RANBP2: variants seen among roughly 807,000 people sequenced by gnomAD.
The protein encoded by RANBP2 is RAN binding protein 2.
A neutral mutation model predicts 303.6 loss-of-function variants in RANBP2; 57 were observed. The observed-to-expected ratio is 0.19, with a 90% CI of 0.15 to 0.23. The LOEUF (loss-of-function observed/expected upper bound fraction) is 0.23. Among genes scored for constraint, RANBP2 ranks in the 10% least tolerant of loss-of-function variants. The pLI is 1.00. For synonymous variants in RANBP2, 1,167 were observed against 1,301.5 expected, an observed-to-expected ratio of 0.90 and a Z score of 2.23; for missense variants, 3,138 against 3,780.8, an observed-to-expected ratio of 0.83 and a Z score of 4.46.
At chr2:109,585,060 T>C in the RANBP2 span, 4 of 884,504 alleles carry the variant, frequency 4.5e-6, no homozygotes, top group Non-Finnish European at 3.4e-6. Context: ...TCATAGTTCA[T>C]GGGGCTATAA....
the RANBP2 span, among the ~76,000 whole-genome samples, chr2:109,548,120 C>G: frequency 7.1e-6 from 1 of 140,400 alleles, no homozygotes; most frequent in Non-Finnish European, 1.6e-5. Context: ...GCATGCAGTT[C>G]AGAGAGACAA....
the RANBP2 span, among the ~76,000 whole-genome samples, chr2:109,373,686 G>A: frequency 6.6e-6 from 1 of 152,174 alleles, no homozygotes; most frequent in Admixed American, 6.5e-5. Context: ...GCTGCAGAAA[G>A]GTTTCGTGTC....
chr2:108,988,613 C>T, the RANBP2 span, among the ~76,000 whole-genome samples: 1 of 152,150 alleles, frequency 6.6e-6, no homozygotes, highest in Non-Finnish European at 1.5e-5. Flanking sequence ...GTGAGCCGGG[C>T]ACAGGGGCAA....
chr2:109,638,747 T>C, the RANBP2 span, among the ~76,000 whole-genome samples: 61,122 of 151,948 alleles, frequency 0.4, 12,431 homozygotes, highest in Admixed American at 0.45. Flanking sequence ...TAGATTCTTT[T>C]AACGGCTCAT....
chr2:109,628,563 G>A, the RANBP2 span, among the ~76,000 whole-genome samples: 3 of 151,692 alleles, frequency 2.0e-5, no homozygotes, highest in Non-Finnish European at 4.4e-5. Context: ...TCCCAGTATG[G>A]CCACATTCAG....
chr2:109,285,717 T>G, the RANBP2 span, among the ~76,000 whole-genome samples: 2 of 152,230 alleles, frequency 1.3e-5, no homozygotes, highest in Non-Finnish European at 1.5e-5. Context: ...CATCTGTCCC[T>G]GAGCCTGGTC....
At chr2:109,613,033 T>C in the RANBP2 span, 1 of 532,552 alleles carries the variant, frequency 1.9e-6, no homozygotes, top group Non-Finnish European at 3.4e-6. Context: ...ATGTTTACTA[T>C]CAAAAATTAA....
the RANBP2 span, among the ~76,000 whole-genome samples, chr2:108,960,769 A>G: frequency 6.6e-6 from 1 of 152,212 alleles, no homozygotes; most frequent in East Asian, 1.9e-4. Context: ...ATATATAGAT[A>G]TATCATAAGG....
the RANBP2 span, among the ~76,000 whole-genome samples, chr2:109,026,715 C>T: frequency 6.6e-6 from 1 of 152,238 alleles, no homozygotes; most frequent in African/African-American, 2.4e-5. Flanking sequence ...GAAACAGCTG[C>T]TCCTCTCAGT....
the RANBP2 span, among the ~76,000 whole-genome samples, chr2:109,562,734 T>C: frequency 3.9e-5 from 6 of 152,024 alleles, no homozygotes; most frequent in Non-Finnish European, 8.8e-5. Context: ...ACCCTGAGAC[T>C]TGGAAGAAAT....
chr2:109,122,828 G>T, the RANBP2 span, among the ~76,000 whole-genome samples: 1 of 152,174 alleles, frequency 6.6e-6, no homozygotes, highest in African/African-American at 2.4e-5. Flanking sequence ...CCATGATTGT[G>T]CCACTGCGCT....
intron 15 of RANBP2, among the ~76,000 whole-genome samples, 177 bp from the exon 16 acceptor site, chr2:108,754,728 A>G (rs970282087): frequency 6.6e-6 from 1 of 151,210 alleles, no homozygotes; most frequent in African/African-American, 2.5e-5. Context: ...ATAATAATAC[A>G]AAACAACAGA....
Position 108,767,527 on chromosome 2 carries a change from C to G in RANBP2, c.6988C>G (p.Gln2330Glu), listed in dbSNP as rs2693105. The G allele has an allele frequency of 1.2e-6, 2 of 1,611,844 alleles. No individual in the cohort carries two copies. The highest frequency in any genetic ancestry group is 1.7e-5 in the Admixed American group (1 of 60,000). Residue 2330 changes from glutamine (Q) to glutamate (E), a missense_variant, in exon 20 of 29, where the codon CAA (glutamine) becomes GAA (glutamate). By Grantham distance (29) the Gln-to-Glu change is conservative. Transcript: ENST00000283195. The stretch of plus-strand genomic sequence containing the variant: ...AGTATCCAGTGGTGAGGAAAATGAA[C>G]AAGTTGTTTTTAGTCACAGGGCAAA... ...VEVSSGEENEQVVFSHRAKLY... is the reference protein window; with the variant it reads ...VEVSSGEENEEVVFSHRAKLY...
intron 25 of RANBP2, among the ~76,000 whole-genome samples, chr2:108,780,342 G>A (rs972151883): frequency 5.5e-5 from 8 of 144,470 alleles, no homozygotes; most frequent in Non-Finnish European, 9.0e-5. Context: ...ACAGGCACCC[G>A]CCACCACGCC....
chr2:108,879,024 A>ACG, the RANBP2 span, among the ~76,000 whole-genome samples: 8 of 87,532 alleles, frequency 9.1e-5, no homozygotes, highest in African/African-American at 2.3e-4. Context: ...TAAGTTCTTT[A>ACG]TGGTCATGTT....
chr2:109,631,226 A>C, the RANBP2 span, among the ~76,000 whole-genome samples: 1 of 151,800 alleles, frequency 6.6e-6, no homozygotes, highest in Non-Finnish European at 1.5e-5. Flanking sequence ...TTCAGCTCCG[A>C]GATAAGGGAT....
At chr2:109,322,222 C>T in the RANBP2 span, among the ~76,000 whole-genome samples, 1 of 152,152 alleles carries the variant, frequency 6.6e-6, no homozygotes, top group Non-Finnish European at 1.5e-5. Flanking sequence ...GAATAATCAC[C>T]ACTCCTTCTC....
the RANBP2 span, among the ~76,000 whole-genome samples, chr2:108,948,285 A>G: frequency 5.3e-5 from 8 of 152,230 alleles, no homozygotes; most frequent in Admixed American, 3.3e-4. Context: ...GGTCAAAATC[A>G]TTCAACAAGT....
the RANBP2 span, among the ~76,000 whole-genome samples, chr2:109,542,243 C>G: frequency 6.6e-6 from 1 of 152,082 alleles, no homozygotes; most frequent in Non-Finnish European, 1.5e-5. Context: ...TTGTTCAACT[C>G]TTTTAAAATA....
Sources: allele counts gnomAD v4.1 joint callset (sites outside exome capture counted in the v4.1 genomes callset), GRCh38; gene constraint gnomAD v4.1.1; transcripts MANE v1.5; gene names NCBI Gene and HGNC (gene_info 2026-07-23, HGNC 2026-07-21).